ADCY2: variants seen among roughly 807,000 people sequenced by gnomAD.
The protein encoded by ADCY2 is adenylate cyclase 2.
Under a neutral mutation model 125.2 loss-of-function variants are expected in ADCY2, and 31 were observed. The observed-to-expected ratio is 0.25, with a 90% CI of 0.19 to 0.33. The LOEUF is 0.33. Ranked by LOEUF, ADCY2 falls within the 10% of genes least tolerant of loss-of-function variation. The probability of loss-of-function intolerance (pLI) is 1.00; values close to 1 mark genes in which losing one functional copy is unlikely to be tolerated. For missense variants in ADCY2, 904 were observed against 1,418.2 expected, an observed-to-expected ratio of 0.64 and a Z score of 5.82; for synonymous variants, 512 against 548.4, an observed-to-expected ratio of 0.93 and a Z score of 0.93.
intron 3 of ADCY2, among the ~76,000 whole-genome samples, chr5:7,615,320 G>A (rs1296319613): frequency 1.3e-5 from 2 of 152,136 alleles, no homozygotes; most frequent in Non-Finnish European, 2.9e-5. Context: ...TATCTCTGGG[G>A]CACTTCTGAA....
At chr5:7,477,104 C>G (rs1026534348) in intron 2 of ADCY2, among the ~76,000 whole-genome samples, 1 of 152,028 alleles carries the variant, frequency 6.6e-6, no homozygotes, top group Non-Finnish European at 1.5e-5. Flanking sequence ...CGCTCTTGTT[C>G]TTATAGTTAT....
intron 3 of ADCY2, among the ~76,000 whole-genome samples, chr5:7,592,541 T>C (rs1486753990): frequency 2.2e-5 from 3 of 136,418 alleles, no homozygotes; most frequent in Non-Finnish European, 4.9e-5. Flanking sequence ...CTAGGGGAAC[T>C]GGAAAAAAAA....
At chr5:7,454,064 T>G (rs1287191429) in intron 2 of ADCY2, among the ~76,000 whole-genome samples, 7 of 152,190 alleles carry the variant, frequency 4.6e-5, no homozygotes, top group Non-Finnish European at 1.5e-5. Context: ...AGTTAACAAC[T>G]GCCTGAACAT....
At chr5:7,511,104 C>T (rs1744039746) in intron 2 of ADCY2, among the ~76,000 whole-genome samples, 1 of 152,232 alleles carries the variant, frequency 6.6e-6, no homozygotes, top group East Asian at 1.9e-4. Flanking sequence ...TTCAGCAAAT[C>T]TTCATTGAGG....
In ADCY2 at chr5:7,615,240, G is replaced by C. The variant is rs960808758; in HGVS notation, c.571-10927G>C. Among the ~76,000 whole-genome samples the C allele has an allele frequency of 3.9e-5, 6 of 152,096 alleles. No homozygotes were observed. The South Asian group carries it at 1.2e-3, about 32-fold the overall frequency. On this transcript the variant is annotated intron_variant, in intron 3 of 24. Coordinates refer to ENST00000338316, the MANE Select transcript of ADCY2 (RefSeq NM_020546.3). Reference sequence around the variant, plus strand: ...CAATTCAACATGAGATTTGTGTGGGGACACAAATCCAGACCATATCACTCC... The same window carrying C: ...CAATTCAACATGAGATTTGTGTGGGCACACAAATCCAGACCATATCACTCC...
At chr5:7,600,403 A>G (rs10036236) in intron 3 of ADCY2, among the ~76,000 whole-genome samples, 5,250 of 152,286 alleles carry the variant, frequency 0.034, 302 homozygotes, top group African/African-American at 0.12. Flanking sequence ...AATTGGAGCC[A>G]TTGGCAAAAC....
At position 7,510,752 on chromosome 5, in the gene ADCY2, G is replaced by A. The variant is rs188735767; in HGVS notation, c.409-9986G>A. On this transcript the variant is annotated intron_variant, in intron 2 of 24. Coordinates refer to ENST00000338316, the MANE Select transcript of ADCY2 (RefSeq NM_020546.3). ...TGAGACCCAGGTTACCAAATGTACA[G>A]AACATACAGTGGATGCAAAGGAGTT... 1.4e-3 allele frequency among the ~76,000 whole-genome samples: 207 copies of A among 152,310 alleles called. 1 individual carries two copies. The highest frequency in any genetic ancestry group is 2.2e-3 in the Non-Finnish European group (147 of 68,026).
At chr5:7,663,135 G>A (rs1029401585) in intron 4 of ADCY2, among the ~76,000 whole-genome samples, 2 of 152,174 alleles carry the variant, frequency 1.3e-5, no homozygotes, top group South Asian at 2.1e-4. Context: ...TATATCACTA[G>A]CAGAATTCTT....
At chr5:7,497,316 A>G (rs2126497328) in intron 2 of ADCY2, among the ~76,000 whole-genome samples, 1 of 152,316 alleles carries the variant, frequency 6.6e-6, no homozygotes, top group South Asian at 2.1e-4. Flanking sequence ...TAAAATGTAT[A>G]TGGTTTATAA....
intron 4 of ADCY2, among the ~76,000 whole-genome samples, chr5:7,644,182 C>T (rs956476346): frequency 6.6e-6 from 1 of 152,068 alleles, no homozygotes; most frequent in African/African-American, 2.4e-5. Flanking sequence ...TTCCTCAATA[C>T]TTACCCACTT....
chr5:7,424,169 A>G (rs561528994), intron 2 of ADCY2, among the ~76,000 whole-genome samples: 2 of 152,346 alleles, frequency 1.3e-5, no homozygotes, highest in African/African-American at 4.8e-5. Context: ...CATCGCAAAA[A>G]TTGTGGGAAC....
intron 14 of ADCY2, among the ~76,000 whole-genome samples, chr5:7,742,554 T>C (rs964123059): frequency 9.2e-5 from 14 of 152,166 alleles, no homozygotes; most frequent in Non-Finnish European, 4.4e-5. Context: ...TTGTAGATGT[T>C]GTTTGATGTG....
chr5:7,512,482 A>T (rs1744105514), intron 2 of ADCY2, among the ~76,000 whole-genome samples: 1 of 152,114 alleles, frequency 6.6e-6, no homozygotes, highest in African/African-American at 2.4e-5. Context: ...AATGAGGAAG[A>T]GAAAACTATT....
At chr5:7,399,221 C>A (rs1331184983) in intron 1 of ADCY2, among the ~76,000 whole-genome samples, 9 of 152,178 alleles carry the variant, frequency 5.9e-5, no homozygotes, top group Admixed American at 5.9e-4. Flanking sequence ...TTCCATTAGA[C>A]TTTCATCAGT....
intron 2 of ADCY2, among the ~76,000 whole-genome samples, chr5:7,444,362 G>C (rs911809691): frequency 6.6e-6 from 1 of 151,872 alleles, no homozygotes; most frequent in South Asian, 2.1e-4. Context: ...TGATCCTCCC[G>C]CCTCGGCCTC....
chr5:7,679,837 C>T (rs1313748026), intron 4 of ADCY2, among the ~76,000 whole-genome samples: 1 of 152,198 alleles, frequency 6.6e-6, no homozygotes, highest in Admixed American at 6.5e-5. Flanking sequence ...TTGTTCTCTT[C>T]TTCTTCCTCT....
At chr5:7,819,867 C>A (rs1242333263) in intron 23 of ADCY2, among the ~76,000 whole-genome samples, 1 of 152,204 alleles carries the variant, frequency 6.6e-6, no homozygotes, top group Non-Finnish European at 1.5e-5. Context: ...CCTACACTAA[C>A]TAGAGATGGC....
At chr5:7,819,276 C>G (rs1299530345) in intron 23 of ADCY2, among the ~76,000 whole-genome samples, 1 of 152,212 alleles carries the variant, frequency 6.6e-6, no homozygotes, top group Non-Finnish European at 1.5e-5. Context: ...TACCTTGCAT[C>G]TGTCAATCCA....
intron 15 of ADCY2, among the ~76,000 whole-genome samples, chr5:7,746,023 C>T (rs546404680): frequency 6.6e-6 from 1 of 152,338 alleles, no homozygotes; most frequent in East Asian, 1.9e-4. Context: ...CTCATAGCTC[C>T]TCCTGTGGCC....
Sources: allele counts gnomAD v4.1 joint callset (sites outside exome capture counted in the v4.1 genomes callset), GRCh38; gene constraint gnomAD v4.1.1; transcripts MANE v1.5; gene names NCBI Gene and HGNC (gene_info 2026-07-23, HGNC 2026-07-21).